The following UVSSA variants were observed in gnomAD, a reference collection of about 807,000 sequenced individuals.
UVSSA encodes the protein UV stimulated scaffold protein A, also known as UV-stimulated scaffold protein A.
UVSSA carries 72 observed loss-of-function variants against 73.9 expected under a neutral mutation model. The observed-to-expected ratio is 0.97, with a 90% CI of 0.81 to 1.19. The LOEUF is 1.19. Among genes scored for constraint, UVSSA ranks in the 50% most tolerant of loss-of-function variants. UVSSA has a pLI of 0.00. For synonymous variants in UVSSA, 454 were observed against 391.3 expected (o/e 1.16, Z -1.89); for missense variants, 1,150 against 965.0 (o/e 1.19, Z -2.54).
intron 8 of UVSSA, among the ~76,000 whole-genome samples, chr4:1,373,143 C>T (rs1026678808): frequency 1.3e-5 from 2 of 152,202 alleles, no homozygotes; most frequent in African/African-American, 2.4e-5. Context: ...CTTGCATTCA[C>T]GGTTGCTATT....
intron 4 of UVSSA, 25 bp downstream of exon 4, chr4:1,351,860 G>T (rs1714808298): frequency 1.2e-6 from 2 of 1,610,498 alleles, no homozygotes; most frequent in African/African-American, 2.7e-5. Flanking sequence ...CGGAGGGAGG[G>T]GCCCACGCCT....
At chr4:1,385,237 AG>A in intron 13 of UVSSA, 1 of 153,932 alleles carries the variant, frequency 6.5e-6, no homozygotes, top group South Asian at 2.1e-4. Flanking sequence ...CCCTGCCTCG[AG>A]GGGCCCCCAC....
chr4:1,351,769 G>T lies in UVSSA; in HGVS notation c.484G>T (p.Glu162Ter). Residue 162 changes from glutamate (E) to a stop codon, truncating the protein, a stop_gained, in exon 4 of 14, where the codon GAG becomes TAG. Transcript: ENST00000389851. LOFTEE classifies it high-confidence loss of function. ...TCTGGCAGAAAGGAAGAGAGAAGAG[G>T]AGAAGCAGAAGCACTTGGATAAAAT... ...RSLAERKREEEKQKHLDKIYQ... is the reference protein window; with the variant it reads ...RSLAERKREE The T allele has an allele frequency of 6.2e-7, 1 of 1,613,714 alleles. No individual in the cohort carries two copies.
At chr4:1,385,375 G>A in intron 13 of UVSSA, 1 of 197,482 alleles carries the variant, frequency 5.1e-6, no homozygotes, top group Non-Finnish European at 1.1e-5. Context: ...GGTCAGCACA[G>A]CACACCTCAT....
At chr4:1,377,022 G>T (rs546802358) in intron 10 of UVSSA, among the ~76,000 whole-genome samples, 1 of 152,214 alleles carries the variant, frequency 6.6e-6, no homozygotes, top group African/African-American at 2.4e-5. Context: ...TTCAAGGGCC[G>T]GGCTGCCTGT....
At position 1,349,865 on chromosome 4, in the gene UVSSA, C is replaced by T. The variant is rs1217960254; in HGVS notation, c.429+11C>T. The T allele has an allele frequency of 1.3e-6, 2 of 1,521,638 alleles. No individual in the cohort carries two copies. Among genetic ancestry groups the T allele is most frequent in the Non-Finnish European group, 1.8e-6 (2 of 1,136,350 alleles). The allele number at this position is 1,521,638 out of a possible 1,614,324, so 94.3% of individuals were successfully genotyped here. ...AGACACAACAAAAAGGTAGGTGGGCCTGGCCCATTTTTTCAGAGACTGGTT... is the reference window on the plus strand; with the variant it reads ...AGACACAACAAAAAGGTAGGTGGGCTTGGCCCATTTTTTCAGAGACTGGTT... On this transcript the variant is annotated intron_variant, in intron 3 of 13. Transcript: ENST00000389851.
At chr4:1,390,546 A>G (rs1720388602), downstream of UVSSA, 2 of 152,242 alleles carry the variant, frequency 1.3e-5, no homozygotes, top group South Asian at 2.1e-4. Flanking sequence ...TGCCTCCCAA[A>G]GTGCTGGGAT....
In UVSSA at chr4:1,383,780, G is replaced by C. The variant is rs376594165; in HGVS notation, c.1876G>C (p.Glu626Gln). 3 of 1,613,460 alleles carry C rather than the reference G, an allele frequency of 1.9e-6. No individual in the cohort carries two copies. Among genetic ancestry groups the C allele is most frequent in the Non-Finnish European group, 2.5e-6 (3 of 1,180,002 alleles). ...TTTGTTTGCAGAATGGCAGGACCCTGAGTTGATGAGAGACGTGGAAGCAGC... is the reference window on the plus strand; with the variant it reads ...TTTGTTTGCAGAATGGCAGGACCCTCAGTTGATGAGAGACGTGGAAGCAGC... ...KQERPEWQDP[E>Q]LMRDVEAATG... The change falls in exon 13 of 14, where the codon GAG (glutamate) becomes CAG (glutamine). Residue 626 changes from glutamate to glutamine, a missense_variant. By Grantham distance (29) the Glu-to-Gln change is conservative. Coordinates refer to ENST00000389851, the MANE Select transcript of UVSSA (RefSeq NM_020894.4).
chr4:1,374,042 C>T (rs1472475016), intron 8 of UVSSA, among the ~76,000 whole-genome samples: 1 of 152,220 alleles, frequency 6.6e-6, no homozygotes, highest in Non-Finnish European at 1.5e-5. Context: ...GATTCTGCCG[C>T]AGCCAGGACG....
At chr4:1,365,222 G>C (rs1717153772) in intron 7 of UVSSA, among the ~76,000 whole-genome samples, 1 of 152,256 alleles carries the variant, frequency 6.6e-6, no homozygotes, top group Non-Finnish European at 1.5e-5. Context: ...AGGGAGGCAG[G>C]TGCCTCCCCA....
chr4:1,365,135 C>T (rs994926738), intron 7 of UVSSA, among the ~76,000 whole-genome samples: 9 of 152,294 alleles, frequency 5.9e-5, no homozygotes, highest in Non-Finnish European at 7.4e-5. Context: ...GCAGTGGGCT[C>T]GCTACCCAGT....
intron 5 of UVSSA, among the ~76,000 whole-genome samples, chr4:1,354,192 G>C (rs879765319): frequency 1.2e-4 from 19 of 152,244 alleles, no homozygotes; most frequent in Non-Finnish European, 2.8e-4. Flanking sequence ...CTGCAGGCCT[G>C]TGCGGGGTGG....
Position 1,347,210 on chromosome 4 carries a change from G to T in UVSSA, c.-553G>T, listed in dbSNP as rs1009446435. The T allele has an allele frequency of 1.3e-5, 2 of 152,248 alleles. No homozygotes were observed. Among genetic ancestry groups the T allele is most frequent in the African/African-American group, 4.8e-5 (2 of 41,446 alleles). The allele number at this position is 152,248 out of a possible 1,614,324, so 9.4% of individuals were successfully genotyped here. A position where few individuals can be genotyped will look rare whatever the true frequency, so the allele number is the denominator to read the frequency against. ...CCCCCCGCCGGAAGGGGCGGGGCGA[G>T]GCGAGCGGCCGCGTCAGCGGTAGGT... is the stretch of plus-strand genomic sequence containing the variant. On this transcript the variant is annotated 5_prime_UTR_variant, in exon 1 of 14. In the 5' UTR this introduces an upstream ATG that the reference lacks. Transcript: ENST00000389851.
intron 1 of UVSSA, 97 bp from the exon 2 acceptor site, chr4:1,347,993 C>T: frequency 1.9e-6 from 2 of 1,037,408 alleles, no homozygotes; most frequent in East Asian, 2.4e-5. Flanking sequence ...CCTCCCGGAG[C>T]TTTCGGTTTA....
rs966889572 is a variant in UVSSA, at chr4:1,386,480, C to G, written c.*519C>G. The G allele has an allele frequency of 6.4e-6, 1 of 155,974 alleles. No homozygotes were observed. Among genetic ancestry groups the G allele is most frequent in the East Asian group, 1.9e-4 (1 of 5,314 alleles). 9.7% of individuals were successfully genotyped at this position (155,974 alleles called of 1,614,324 possible). ...GTGTCCTCTTGTCCCTGGCTTCTTA[C>G]ACTTGGCGTTGTTTTTAAGGTTTAT... is the stretch of plus-strand genomic sequence containing the variant. On this transcript the variant is annotated 3_prime_UTR_variant, in exon 14 of 14. Transcript: ENST00000389851.
rs112219854 is a variant in UVSSA, at chr4:1,379,905, C to T, written c.1569-142C>T. The T allele has an allele frequency of 0.011, 7,683 of 671,280 alleles. 528 individuals carry two copies. In the African/African-American group the frequency reaches 0.24, roughly 21 times the overall value. The allele number at this position is 671,280 out of a possible 1,614,324, so 41.6% of individuals were successfully genotyped here. ...GAATTCAGACCCAGCCGGGAGTGAC[C>T]GTGTTCTCCCTGGGTGCTGTCCACA... On this transcript the variant is annotated intron_variant, in intron 10 of 13. Coordinates refer to ENST00000389851, the MANE Select transcript of UVSSA (RefSeq NM_020894.4).
At chr4:1,369,621 T>A (rs912055472) in intron 8 of UVSSA, among the ~76,000 whole-genome samples, 2 of 152,204 alleles carry the variant, frequency 1.3e-5, no homozygotes, top group Admixed American at 6.5e-5. Context: ...AATCTCTTTC[T>A]CCAATTTACA....
rs546960422 is a variant in UVSSA, at chr4:1,359,634, C to T, written c.1176+4389C>T. Among the ~76,000 whole-genome samples, 49 of 152,202 alleles carry T rather than the reference C, an allele frequency of 3.2e-4. 1 individual carries two copies. Among genetic ancestry groups the T allele is most frequent in the African/African-American group, 1.0e-3 (42 of 41,526 alleles). Reference sequence around the variant, plus strand: ...AAAGATACGGGTTTGTTTTTGTTCTCGCCGATGTTGAGTCTGATGTGGCAG... The same window carrying T: ...AAAGATACGGGTTTGTTTTTGTTCTTGCCGATGTTGAGTCTGATGTGGCAG... On this transcript the variant is annotated intron_variant, in intron 7 of 13. Transcript: ENST00000389851.
intron 7 of UVSSA, among the ~76,000 whole-genome samples, chr4:1,361,545 T>A (rs1170088815): frequency 6.6e-6 from 1 of 152,274 alleles, no homozygotes; most frequent in Non-Finnish European, 1.5e-5. Flanking sequence ...GCCCCGACAG[T>A]GCTGCCCGCC....
Sources: allele counts gnomAD v4.1 joint callset (sites outside exome capture counted in the v4.1 genomes callset), GRCh38; gene constraint gnomAD v4.1.1; transcripts MANE v1.5; gene names NCBI Gene and HGNC (gene_info 2026-07-23, HGNC 2026-07-21).